Variants in PLOD2 observed in about 807,000 individuals in gnomAD.
PLOD2 encodes the protein lysine hydroxylase 2.
Under a neutral mutation model 101.0 loss-of-function variants are expected in PLOD2, and 65 were observed. The observed-to-expected ratio is 0.64, with a 90% CI of 0.53 to 0.79. PLOD2 has a LOEUF of 0.79. Ranked by LOEUF, PLOD2 falls within the 30% of genes least tolerant of loss-of-function variation. PLOD2 has a pLI of 0.00. For synonymous variants in PLOD2, 314 were observed against 302.9 expected (o/e 1.04, Z -0.38); for missense variants, 909 against 914.6 (o/e 0.99, Z 0.08).
chr3:146,098,360 C>A (rs763670960), intron 7 of PLOD2, among the ~76,000 whole-genome samples: 10 of 152,078 alleles, frequency 6.6e-5, no homozygotes, highest in Middle Eastern at 3.5e-3. Context: ...AATTAGAAAC[C>A]AGTTTCTATC....
At chr3:146,148,485 T>C (rs1290601725) in intron 1 of PLOD2, among the ~76,000 whole-genome samples, 2 of 152,216 alleles carry the variant, frequency 1.3e-5, no homozygotes, top group South Asian at 2.1e-4. Context: ...TTCAAAGTTT[T>C]GAAGTTCAAA....
rs772206140 is a variant in PLOD2, at chr3:146,160,941, G to A, written c.49C>T (p.Leu17Phe). 21 of 1,600,900 alleles carry A rather than the reference G, an allele frequency of 1.3e-5. No individual in the cohort carries two copies. The highest frequency in any genetic ancestry group is 2.3e-5 in the East Asian group (1 of 44,402). The change falls in exon 1 of 20, where the codon CTC (leucine) becomes TTC (phenylalanine). Residue 17 changes from leucine (L) to phenylalanine (F), a missense_variant. Coordinates refer to ENST00000282903, the MANE Select transcript of PLOD2 (RefSeq NM_182943.3). ...KPQLLLLALV[L>F]HPWNPCLGAD... Reference sequence around the variant, plus strand: ...CCCAGACAGGGATTCCAGGGGTGGAGGACGAGCGCCAGGAGCAGCAGCTGA... The same window carrying A: ...CCCAGACAGGGATTCCAGGGGTGGAAGACGAGCGCCAGGAGCAGCAGCTGA...
intron 5 of PLOD2, among the ~76,000 whole-genome samples, chr3:146,105,850 C>T (rs953859253): frequency 2.6e-5 from 4 of 152,076 alleles, no homozygotes; most frequent in African/African-American, 4.8e-5. Flanking sequence ...AAGGGCTTTG[C>T]AAGGCTAAAG....
intron 7 of PLOD2, among the ~76,000 whole-genome samples, chr3:146,101,441 A>G (rs551928371): frequency 1.3e-5 from 2 of 152,334 alleles, no homozygotes; most frequent in East Asian, 3.9e-4. Context: ...AAAGCAGCAG[A>G]GCATCGTGGA....
chr3:146,071,241 G>C, intron 18 of PLOD2, 36 bp downstream of exon 18: 1 of 1,611,366 alleles, frequency 6.2e-7, no homozygotes, highest in Non-Finnish European at 8.5e-7. Flanking sequence ...GTAAAAATGG[G>C]TAAGAAATAG....
intron 15 of PLOD2, 123 bp from the exon 16 acceptor site, chr3:146,073,475 A>G: frequency 2.4e-6 from 1 of 422,412 alleles, no homozygotes; most frequent in South Asian, 5.0e-5. Context: ...ACAAAATAGT[A>G]ATTTTCAGAA....
chr3:146,117,241 T>C (rs926353246), intron 3 of PLOD2, among the ~76,000 whole-genome samples: 7 of 152,290 alleles, frequency 4.6e-5, no homozygotes, highest in South Asian at 2.1e-4. Flanking sequence ...AACAGTTGAG[T>C]TGTCCTTAAA....
intron 1 of PLOD2, among the ~76,000 whole-genome samples, chr3:146,158,924 C>A (rs763387784): frequency 5.3e-5 from 8 of 152,078 alleles, no homozygotes; most frequent in Admixed American, 1.3e-4. Context: ...AATTTAGGGT[C>A]CTATAGAAGA....
chr3:146,098,932 T>C (rs1937291849), intron 7 of PLOD2, among the ~76,000 whole-genome samples: 3 of 152,166 alleles, frequency 2.0e-5, no homozygotes, highest in Admixed American at 2.0e-4. Context: ...ATAAGAAGAA[T>C]ACGTGACATA....
chr3:146,099,364 A>G (rs1009915014), intron 7 of PLOD2, among the ~76,000 whole-genome samples: 1 of 152,088 alleles, frequency 6.6e-6, no homozygotes, highest in Admixed American at 6.5e-5. Context: ...CTTATCCATA[A>G]TCACTAAATT....
rs184362864 is a variant in PLOD2, at chr3:146,106,447, T to C, written c.615+85A>G. The C allele has an allele frequency of 4.0e-5, 31 of 774,144 alleles. No homozygotes were observed. In the East Asian group the frequency reaches 7.3e-4, roughly 18 times the overall value. The allele number at this position is 774,144 out of a possible 1,614,324, so 48.0% of individuals were successfully genotyped here. A position where few individuals can be genotyped will look rare whatever the true frequency, so the allele number is the denominator to read the frequency against. On this transcript the variant is annotated intron_variant, in intron 5 of 19. Transcript: ENST00000282903. ...CATTTGCCATACTATCATAAAACCT[T>C]TGTTTCTGACCACTCCACATTAACA...
intron 17 of PLOD2, among the ~76,000 whole-genome samples, chr3:146,071,976 T>C (rs568927759): frequency 6.6e-6 from 1 of 151,740 alleles, no homozygotes; most frequent in Non-Finnish European, 1.5e-5. Context: ...CTGGGGGACA[T>C]AACCGTGCAG....
intron 1 of PLOD2, among the ~76,000 whole-genome samples, chr3:146,147,791 T>C (rs927158253): frequency 6.6e-6 from 1 of 152,106 alleles, no homozygotes; most frequent in African/African-American, 2.4e-5. Context: ...CAGTGATGTA[T>C]ACAGAGAGGG....
chr3:146,160,409 G>A (rs2032514657), intron 1 of PLOD2, among the ~76,000 whole-genome samples: 1 of 152,176 alleles, frequency 6.6e-6, no homozygotes, highest in African/African-American at 2.4e-5. Context: ...GTTGTTTTTG[G>A]CAAGAGGGAG....
intron 7 of PLOD2, among the ~76,000 whole-genome samples, chr3:146,095,307 G>A (rs1937110872): frequency 1.4e-5 from 2 of 147,476 alleles, no homozygotes; most frequent in African/African-American, 5.0e-5. Flanking sequence ...AAAAAATTTT[G>A]CTATCTATCC....
intron 1 of PLOD2, among the ~76,000 whole-genome samples, chr3:146,147,681 C>T (rs2031850095): frequency 6.6e-6 from 1 of 152,190 alleles, no homozygotes; most frequent in Non-Finnish European, 1.5e-5. Context: ...GACAAAACCA[C>T]TGGACCATAG....
At chr3:146,071,012 A>G (rs946620484) in intron 19 of PLOD2, 30 bp downstream of exon 19, 5 of 1,587,810 alleles carry the variant, frequency 3.1e-6, no homozygotes, top group Middle Eastern at 1.7e-4. Flanking sequence ...TTTCTTTTGA[A>G]AAATCTAAAA....
intron 1 of PLOD2, among the ~76,000 whole-genome samples, chr3:146,140,309 AAC>A (rs1169207177): frequency 6.6e-6 from 1 of 152,066 alleles, no homozygotes; most frequent in African/African-American, 2.4e-5. Context: ...TACAGAGACA[AAC>A]ACAGAGACAT....
At position 146,104,316 on chromosome 3, in the gene PLOD2, G is replaced by C; in HGVS notation, c.642C>G (p.His214Gln). The change falls in exon 6 of 20, where the codon CAC becomes CAG. Residue 214 changes from histidine (H) to glutamine (Q), a missense_variant. Transcript: ENST00000282903. ...TTAAGGTCTGGAAAATTTTGCATTT[G>C]TGATCCAATGTGATGTTAATAGCTT... ...KREAINITLD[H>Q]KCKIFQTLNG... The C allele has an allele frequency of 6.4e-7, 1 of 1,574,436 alleles. No individual in the cohort carries two copies. The highest frequency in any genetic ancestry group is 8.7e-7 in the Non-Finnish European group (1 of 1,143,988).
Sources: gnomAD v4.1 joint callset for allele counts (sites outside exome capture counted in the v4.1 genomes callset) on GRCh38, gnomAD v4.1.1 for gene constraint, MANE v1.5 for transcripts, NCBI Gene and HGNC (gene_info 2026-07-23, HGNC 2026-07-21) for gene names.